TFR2: variants seen among roughly 807,000 people sequenced by gnomAD.
TFR2 encodes transferrin receptor protein 2.
A neutral mutation model predicts 91.9 loss-of-function variants in TFR2; 64 were observed. The observed-to-expected ratio is 0.70, with a 90% CI of 0.57 to 0.86. TFR2 has a LOEUF of 0.86. Among genes scored for constraint, TFR2 ranks in the 40% least tolerant of loss-of-function variants. The pLI is 0.00. For synonymous variants in TFR2, 454 were observed against 459.6 expected (o/e 0.99, Z 0.15); for missense variants, 950 against 1,080.5 (o/e 0.88, Z 1.69).
intron 8 of TFR2, 140 bp from the exon 9 acceptor site, chr7:100,631,192 C>T: frequency 1.0e-6 from 1 of 989,578 alleles, no homozygotes; most frequent in East Asian, 2.7e-5. Flanking sequence ...TAGGGCAGTG[C>T]AGTCAGGGCT....
intron 8 of TFR2, chr7:100,631,489 G>A (rs906219369): frequency 2.2e-5 from 7 of 320,818 alleles, no homozygotes; most frequent in Non-Finnish European, 3.6e-5. Context: ...CGGGCGTGGT[G>A]GGGGGGCACC....
intron 9 of TFR2, among the ~76,000 whole-genome samples, chr7:100,630,375 C>A (rs1450730296): frequency 6.6e-6 from 1 of 152,118 alleles, no homozygotes; most frequent in Non-Finnish European, 1.5e-5. Flanking sequence ...CAGCAGCCTC[C>A]ACCTCCTGGG....
At chr7:100,626,607 G>A in intron 17 of TFR2, 156 bp downstream of exon 17, 1 of 1,453,958 alleles carries the variant, frequency 6.9e-7, no homozygotes, top group Non-Finnish European at 9.1e-7. Context: ...CGATCTATGA[G>A]CACTGCGTGT....
In TFR2 at chr7:100,631,026, TG is replaced by T. The variant is rs753747243; in HGVS notation, c.1132del (p.Gln378LysfsTer8). On this transcript the variant is annotated frameshift_variant, in exon 9 of 18. Coordinates refer to ENST00000223051, the MANE Select transcript of TFR2 (RefSeq NM_003227.4). LOFTEE classifies it high-confidence loss of function. ...GCCTAGGAGGCTCCCCTGCCATTCT[TG>T]GGGGGCCACAGGGCCTTTGAGCTTC... is the stretch of plus-strand genomic sequence containing the variant. Reference protein sequence around the residue: ...LRKLKGPVAPQEWQGSLLGSP... With the variant: ...LRKLKGPVAPXEWQGSLLGSP... The T allele has an allele frequency of 1.9e-6, 3 of 1,597,346 alleles. No homozygotes were observed. The highest frequency in any genetic ancestry group is 2.6e-6 in the Non-Finnish European group (3 of 1,173,628).
intron 17 of TFR2, among the ~76,000 whole-genome samples, chr7:100,624,881 A>C (rs1195438912): frequency 2.0e-5 from 3 of 151,554 alleles, no homozygotes; most frequent in South Asian, 4.2e-4. Flanking sequence ...GAAAAAAAAA[A>C]AACAAAAAAA....
intron 6 of TFR2, 95 bp downstream of exon 6, chr7:100,632,906 C>T: frequency 6.2e-7 from 1 of 1,602,262 alleles, no homozygotes; most frequent in Non-Finnish European, 8.5e-7. Flanking sequence ...TGGTTCTTTC[C>T]TGTCTCCCTC....
Position 100,633,458 on chromosome 7 carries a change from A to G in TFR2, c.572T>C (p.Val191Ala), listed in dbSNP as rs776558626. 109 of 1,612,808 alleles carry G rather than the reference A, an allele frequency of 6.8e-5. No homozygotes were observed. The highest frequency in any genetic ancestry group is 9.1e-5 in the Non-Finnish European group (107 of 1,179,872). The change falls in exon 4 of 18, where the codon GTG becomes GCG. Residue 191 changes from valine to alanine, a missense_variant. Coordinates refer to ENST00000223051, the MANE Select transcript of TFR2 (RefSeq NM_003227.4). Reference sequence around the variant, plus strand: ...CCCCACGTAGTGCGTGTCGGTCCACACGTGGTCCAGCTTCTGGCGGGAGAG... The same window carrying G: ...CCCCACGTAGTGCGTGTCGGTCCACGCGTGGTCCAGCTTCTGGCGGGAGAG... ...AALSRQKLDH[V>A]WTDTHYVGLQ...
intron 10 of TFR2, among the ~76,000 whole-genome samples, chr7:100,628,980 C>G (rs1803348842): frequency 6.6e-6 from 1 of 151,796 alleles, no homozygotes; most frequent in South Asian, 2.1e-4. Context: ...CTAGGCTGGT[C>G]TCAAACTCCT....
At chr7:100,625,049 TTTTC>T (rs1207478841) in intron 17 of TFR2, among the ~76,000 whole-genome samples, 1 of 127,030 alleles carries the variant, frequency 7.9e-6, no homozygotes, top group Non-Finnish European at 1.6e-5. Flanking sequence ...ATCTTTTTCT[TTTTC>T]TTTTTCTTTT....
intron 3 of TFR2, among the ~76,000 whole-genome samples, chr7:100,635,170 C>T (rs1803551834): frequency 6.6e-6 from 1 of 151,890 alleles, no homozygotes; most frequent in Non-Finnish European, 1.5e-5. Flanking sequence ...AAACTCCTGG[C>T]CTCAGGCAAT....
In TFR2 at chr7:100,641,114, G is replaced by A. The variant is rs1240073960; in HGVS notation, c.148C>T (p.His50Tyr). ...CCCCTCAGCTCCATGGGGCAGAAGTGGGCCAATGTCTCCGCCCCCTCCTCC... is the reference window on the plus strand; with the variant it reads ...CCCCTCAGCTCCATGGGGCAGAAGTAGGCCAATGTCTCCGCCCCCTCCTCC... ...DGEEGAETLA[H>Y]FCPMELRGPE... Residue 50 changes from histidine (H) to tyrosine (Y), a missense_variant, in exon 2 of 18, where the codon CAC becomes TAC. By Grantham distance (83) the His-to-Tyr change is moderately conservative (BLOSUM62 2). Coordinates refer to ENST00000223051, the MANE Select transcript of TFR2 (RefSeq NM_003227.4). 6.3e-7 allele frequency: 1 copy of A among 1,585,566 alleles called. No individual in the cohort carries two copies. Among genetic ancestry groups the A allele is most frequent in the Admixed American group, 1.8e-5 (1 of 55,272 alleles).
chr7:100,627,257 C>G lies in TFR2; in HGVS notation c.1995+7G>C. On this transcript the variant is annotated splice_region_variant and intron_variant, in intron 16 of 17. Transcript: ENST00000223051. Reference sequence around the variant, plus strand: ...CAGAGACCAAGAGCGGGGTGGGCCTCTTGAACCTTGAGGTCCCCAGAGAAC... The same window carrying G: ...CAGAGACCAAGAGCGGGGTGGGCCTGTTGAACCTTGAGGTCCCCAGAGAAC... The G allele has an allele frequency of 1.3e-6, 2 of 1,549,042 alleles. No individual in the cohort carries two copies. The highest frequency in any genetic ancestry group is 1.7e-6 in the Non-Finnish European group (2 of 1,146,732).
chr7:100,638,145 A>T (rs1803613687), intron 3 of TFR2, among the ~76,000 whole-genome samples: 1 of 152,032 alleles, frequency 6.6e-6, no homozygotes, highest in Non-Finnish European at 1.5e-5. Flanking sequence ...CTGGGACTAT[A>T]GGTGCCCGCC....
At chr7:100,635,131 G>A (rs1803550823) in intron 3 of TFR2, among the ~76,000 whole-genome samples, 2 of 151,598 alleles carry the variant, frequency 1.3e-5, no homozygotes, top group South Asian at 4.2e-4. Flanking sequence ...GTAGAGACAG[G>A]GTTTCGGCAT....
chr7:100,634,152 C>A (rs754275703), intron 3 of TFR2, among the ~76,000 whole-genome samples: 1 of 149,584 alleles, frequency 6.7e-6, no homozygotes. Flanking sequence ...AAACTCTCTC[C>A]CCCAACCTCG....
intron 9 of TFR2, among the ~76,000 whole-genome samples, chr7:100,630,444 C>T (rs750132582): frequency 1.3e-5 from 2 of 152,212 alleles, no homozygotes; most frequent in Non-Finnish European, 2.9e-5. Flanking sequence ...TGCATGCCAC[C>T]GGGCCCAGCT....
At chr7:100,640,570 A>G in intron 3 of TFR2, 116 bp downstream of exon 3, 3 of 1,198,718 alleles carry the variant, frequency 2.5e-6, no homozygotes, top group Non-Finnish European at 3.5e-6. Context: ...GGCAGATGGG[A>G]GGACTCAGGA....
intron 3 of TFR2, among the ~76,000 whole-genome samples, chr7:100,634,695 C>T (rs968616791): frequency 3.9e-5 from 6 of 152,206 alleles, no homozygotes; most frequent in African/African-American, 1.2e-4. Flanking sequence ...GCTACATCCA[C>T]CTCACCGGCC....
intron 6 of TFR2, 197 bp downstream of exon 6, chr7:100,632,804 C>T: frequency 1.5e-6 from 1 of 667,798 alleles, no homozygotes; most frequent in Admixed American, 2.3e-5. Context: ...TTCCTGGCCT[C>T]AAGCGATCCT....
Sources: gnomAD v4.1 joint callset for allele counts (sites outside exome capture counted in the v4.1 genomes callset) on GRCh38, gnomAD v4.1.1 for gene constraint, MANE v1.5 for transcripts, NCBI Gene and HGNC (gene_info 2026-07-23, HGNC 2026-07-21) for gene names.